The following KATNAL2 variants were observed in gnomAD, a reference collection of about 807,000 sequenced individuals.
KATNAL2 encodes the protein katanin catalytic subunit A1 like 2.
A neutral mutation model predicts 76.3 loss-of-function variants in KATNAL2; 52 were observed. The ratio of observed to expected loss-of-function variants is 0.68; its 90% CI spans 0.55 to 0.86. The LOEUF is 0.86. Among genes scored for constraint, KATNAL2 ranks in the 40% least tolerant of loss-of-function variants. The probability of loss-of-function intolerance (pLI) is 0.00; values close to 1 mark genes in which losing one functional copy is unlikely to be tolerated. For missense variants in KATNAL2, 660 were observed against 668.9 expected (o/e 0.99, Z 0.15); for synonymous variants, 243 against 244.2 (o/e 1.00, Z 0.05).
At chr18:46,932,713 T>A (rs1476152243) in intron 1 of KATNAL2, among the ~76,000 whole-genome samples, 1 of 151,346 alleles carries the variant, frequency 6.6e-6, no homozygotes, top group African/African-American at 2.4e-5. Flanking sequence ...CTTCACTCAT[T>A]TCGCAAGGCT....
At chr18:47,042,249 A>C (rs1014381321) in intron 3 of KATNAL2, among the ~76,000 whole-genome samples, 1 of 152,124 alleles carries the variant, frequency 6.6e-6, no homozygotes, top group Non-Finnish European at 1.5e-5. Flanking sequence ...TATTTATTTT[A>C]GACTAAATTC....
intron 15 of KATNAL2, 26 bp from the exon 16 acceptor site, chr18:47,099,217 C>T: frequency 6.3e-7 from 1 of 1,592,662 alleles, no homozygotes; most frequent in Non-Finnish European, 8.6e-7. Flanking sequence ...CAGCCCTGTC[C>T]AGCTCCATTT....
intron 15 of KATNAL2, among the ~76,000 whole-genome samples, chr18:47,090,185 C>A (rs2062940008): frequency 6.6e-6 from 1 of 152,070 alleles, no homozygotes; most frequent in Non-Finnish European, 1.5e-5. Flanking sequence ...TGGCTCACTG[C>A]AACCTTCGCC....
intron 3 of KATNAL2, chr18:47,034,896 A>G: frequency 6.2e-7 from 1 of 1,611,882 alleles, no homozygotes; most frequent in Non-Finnish European, 8.5e-7. Flanking sequence ...CAGGGCTGTG[A>G]GATGGGCTCC....
intron 3 of KATNAL2, among the ~76,000 whole-genome samples, chr18:47,043,489 A>G (rs1285560672): frequency 6.6e-6 from 1 of 152,206 alleles, no homozygotes; most frequent in Non-Finnish European, 1.5e-5. Context: ...TCATGATTCC[A>G]CAGGCTGTAC....
intron 10 of KATNAL2, among the ~76,000 whole-genome samples, 164 bp from the exon 11 acceptor site, chr18:47,066,857 A>T (rs1431962482): frequency 1.8e-5 from 1 of 56,508 alleles, no homozygotes. Context: ...TTATATATAT[A>T]TATATATATA....
At chr18:46,959,515 T>C (rs1033961909) in intron 3 of KATNAL2, among the ~76,000 whole-genome samples, 1 of 152,222 alleles carries the variant, frequency 6.6e-6, no homozygotes, top group Non-Finnish European at 1.5e-5. Flanking sequence ...GTATTTCATG[T>C]TTTGTGTGAA....
intron 8 of KATNAL2, among the ~76,000 whole-genome samples, chr18:47,061,236 G>T (rs1452936716): frequency 6.6e-6 from 1 of 152,198 alleles, no homozygotes; most frequent in Non-Finnish European, 1.5e-5. Context: ...ATAAAGAAAA[G>T]AGATTTATTT....
rs2059487904 is a variant in KATNAL2, at chr18:46,949,545, C to A, written c.51+2622C>A. Among the ~76,000 whole-genome samples the A allele has an allele frequency of 1.3e-5, 2 of 152,232 alleles. 1 individual carries two copies. Among genetic ancestry groups the A allele is most frequent in the South Asian group, 4.1e-4 (2 of 4,828 alleles). ...TACAAGCGTGAGCCTTCGTGTCTGG[C>A]TTAATGCTTAACTTTTGAATGTCCT... is the stretch of plus-strand genomic sequence containing the variant. On this transcript the variant is annotated intron_variant, in intron 3 of 17. Transcript: ENST00000683218.
At chr18:47,045,395 G>A (rs1331961461) in intron 3 of KATNAL2, among the ~76,000 whole-genome samples, 3 of 149,452 alleles carry the variant, frequency 2.0e-5, no homozygotes, top group Non-Finnish European at 3.0e-5. Context: ...GCAAGATCTT[G>A]GCTCACTGCA....
At chr18:47,042,070 A>T in intron 3 of KATNAL2, among the ~76,000 whole-genome samples, 1 of 151,382 alleles carries the variant, frequency 6.6e-6, no homozygotes, top group African/African-American at 2.4e-5. Context: ...TGAATTTAGG[A>T]GGGTTTGTCT....
At chr18:46,960,128 G>A (rs1184138939) in intron 3 of KATNAL2, among the ~76,000 whole-genome samples, 2 of 152,074 alleles carry the variant, frequency 1.3e-5, no homozygotes, top group Non-Finnish European at 1.5e-5. Context: ...CTAGATTCTG[G>A]TTCTGGAAGG....
intron 3 of KATNAL2, among the ~76,000 whole-genome samples, chr18:47,040,373 T>C (rs974335149): frequency 6.6e-6 from 1 of 152,188 alleles, no homozygotes; most frequent in Non-Finnish European, 1.5e-5. Context: ...TATGAAATGA[T>C]ATAAAGTAGA....
Position 47,031,918 on chromosome 18 carries a change from C to G in KATNAL2, c.52-14539C>G, listed in dbSNP as rs140075516. 2.9e-3 allele frequency among the ~76,000 whole-genome samples: 435 copies of G among 152,244 alleles called. 2 individuals are homozygous for G. Among genetic ancestry groups the G allele is most frequent in the Non-Finnish European group, 3.9e-3 (265 of 68,026 alleles). On this transcript the variant is annotated intron_variant, in intron 3 of 17. Transcript: ENST00000683218. ...GTGTGTGTGTATCATATCTGGCATA[C>G]GTTCCTTTGATTACCAGCCCGTGTG...
intron 1 of KATNAL2, among the ~76,000 whole-genome samples, chr18:46,944,401 G>A (rs2059328788): frequency 6.6e-6 from 1 of 152,150 alleles, no homozygotes; most frequent in Admixed American, 6.6e-5. Context: ...AGTTTACATT[G>A]TATTTGGTAT....
Position 47,069,219 on chromosome 18 carries a change from G to A in KATNAL2, c.826-1G>A. ...CTCATCCTTGTTCCTTGTTTCCTTA[G>A]TATCCACAGCTATTTACAGGAATTC... On this transcript the variant is annotated splice_acceptor_variant, in intron 11 of 17. Coordinates refer to ENST00000683218, the MANE Select transcript of KATNAL2 (RefSeq NM_001387690.1). LOFTEE classifies it high-confidence loss of function. 1 of 1,609,688 alleles carries A rather than the reference G, an allele frequency of 6.2e-7. No homozygotes were observed. The highest frequency in any genetic ancestry group is 8.5e-7 in the Non-Finnish European group (1 of 1,176,892).
At chr18:46,958,533 C>A (rs987474594) in intron 3 of KATNAL2, among the ~76,000 whole-genome samples, 1 of 152,218 alleles carries the variant, frequency 6.6e-6, no homozygotes, top group East Asian at 1.9e-4. Flanking sequence ...AGAGCTGTGA[C>A]TAACACAGAT....
intron 1 of KATNAL2, among the ~76,000 whole-genome samples, chr18:46,940,310 G>T (rs929936367): frequency 1.3e-5 from 2 of 152,180 alleles, no homozygotes; most frequent in African/African-American, 4.8e-5. Context: ...CAGTGATGGG[G>T]CAAAAACCAG....
chr18:47,042,415 C>G (rs1364020823), intron 3 of KATNAL2, among the ~76,000 whole-genome samples: 1 of 152,150 alleles, frequency 6.6e-6, no homozygotes, highest in African/African-American at 2.4e-5. Flanking sequence ...AGCAATAAAA[C>G]TTTCTATTTG....
Sources: gnomAD v4.1 joint callset for allele counts (sites outside exome capture counted in the v4.1 genomes callset) on GRCh38, gnomAD v4.1.1 for gene constraint, MANE v1.5 for transcripts, NCBI Gene and HGNC (gene_info 2026-07-23, HGNC 2026-07-21) for gene names.